Variants in LSM1 observed in about 807,000 individuals in gnomAD.
LSM1 encodes U6 snRNA-associated Sm-like protein LSm1.
Under a neutral mutation model 18.0 loss-of-function variants are expected in LSM1, and 13 were observed. That is an observed-to-expected ratio of 0.72 (90% CI 0.47 to 1.15). The LOEUF is 1.15. Ranked by LOEUF, LSM1 falls within the 50% of genes most tolerant of loss-of-function variation. LSM1 has a pLI of 0.00. For missense variants in LSM1, 152 were observed against 157.7 expected (o/e 0.96, Z 0.19); for synonymous variants, 46 against 56.0 (o/e 0.82, Z 0.80).
chr8:38,176,515 C>G (rs1406335620), upstream of LSM1: 54 of 583,740 alleles, frequency 9.3e-5, 1 homozygote, highest in Non-Finnish European at 3.0e-6. Flanking sequence ...CTTCCTGTAA[C>G]ACGTGTGGGC....
chr8:38,171,231 T>C lies in LSM1; in HGVS notation c.115+734A>G, dbSNP rs576468697. On this transcript the variant is annotated intron_variant, in intron 2 of 3. Transcript: ENST00000311351. ...CTTTGAAGTCATTTTACCCTGCCAATGTAGAAATAAGCAGCCTTGGGCCGG... is the reference window on the plus strand; with the variant it reads ...CTTTGAAGTCATTTTACCCTGCCAACGTAGAAATAAGCAGCCTTGGGCCGG... 1.1e-4 allele frequency among the ~76,000 whole-genome samples: 17 copies of C among 152,310 alleles called. 1 individual carries two copies. In the South Asian group the frequency reaches 3.5e-3, roughly 32 times the overall value.
Position 38,176,451 on chromosome 8 carries a change from C to T in LSM1, c.-131G>A, listed in dbSNP as rs764393660. ...CCCGACCGAGACCAGCACTTCTGCC[C>T]CGGCTTTCAGCCGCCGGGGGCTGCC... On this transcript the variant is annotated 5_prime_UTR_variant, in exon 1 of 4. Coordinates refer to ENST00000311351, the MANE Select transcript of LSM1 (RefSeq NM_014462.3). 1.1e-5 allele frequency: 8 copies of T among 724,262 alleles called. No homozygotes were observed. The African/African-American group carries it at 1.2e-4, about 11-fold the overall frequency. The allele number at this position is 724,262 out of a possible 1,614,324, so 44.9% of individuals were successfully genotyped here. A position where few individuals can be genotyped will look rare whatever the true frequency, so the allele number is the denominator to read the frequency against.
chr8:38,172,210 TA>T (rs1563275629), intron 1 of LSM1, among the ~76,000 whole-genome samples, 177 bp from the exon 2 acceptor site: 1 of 150,468 alleles, frequency 6.6e-6, no homozygotes, highest in Non-Finnish European at 1.5e-5. Flanking sequence ...ATAACATCAG[TA>T]GTGAAAAGAA....
upstream of LSM1, chr8:38,176,691 A>C (rs913113142): frequency 3.9e-6 from 3 of 763,630 alleles, no homozygotes; most frequent in Admixed American, 1.1e-4. Context: ...CCCCAGAGTC[A>C]CTGACCTCCG....
chr8:38,170,856 C>G (rs1192790071), intron 2 of LSM1: 1 of 208,924 alleles, frequency 4.8e-6, no homozygotes, highest in Non-Finnish European at 1.0e-5. Flanking sequence ...TATTTTTCCT[C>G]TTTCAATTAG....
intron 1 of LSM1, among the ~76,000 whole-genome samples, chr8:38,175,479 A>G (rs1803117036): frequency 6.6e-6 from 1 of 152,202 alleles, no homozygotes; most frequent in Non-Finnish European, 1.5e-5. Context: ...AGTTAATGAG[A>G]AAGATCACAT....
upstream of LSM1, chr8:38,176,516 A>G (rs573040624): frequency 1.7e-5 from 10 of 580,392 alleles, no homozygotes; most frequent in Admixed American, 1.2e-4. Context: ...TTCCTGTAAC[A>G]CGTGTGGGCC....
At chr8:38,171,940 G>C (rs771438714) in intron 2 of LSM1, 25 bp downstream of exon 2, 1 of 1,513,010 alleles carries the variant, frequency 6.6e-7, no homozygotes, top group East Asian at 2.3e-5. Context: ...CAGAGTATAA[G>C]AGATGTCCAT....
At chr8:38,174,002 G>A (rs1239985385) in intron 1 of LSM1, among the ~76,000 whole-genome samples, 1 of 152,160 alleles carries the variant, frequency 6.6e-6, no homozygotes, top group Non-Finnish European at 1.5e-5. Flanking sequence ...AGAATCTGGT[G>A]GGGAGAGTAT....
In LSM1 at chr8:38,169,840, C is replaced by T. The variant is rs1263287526; in HGVS notation, c.193G>A (p.Val65Met). ...KYGDIPRGIF[V>M]VRGENVVLLG... is the part of the protein sequence containing the mutation. ...AGGACCACATTTTCTCCTCTGACCA[C>T]AAAAATCCCTCGAGGAATATCACCG... Residue 65 changes from valine to methionine, a missense_variant, in exon 3 of 4, where the codon GTG (valine) becomes ATG (methionine). Coordinates refer to ENST00000311351, the MANE Select transcript of LSM1 (RefSeq NM_014462.3). The T allele has an allele frequency of 1.1e-5, 18 of 1,613,680 alleles. No homozygotes were observed. Among genetic ancestry groups the T allele is most frequent in the East Asian group, 2.2e-5 (1 of 44,872 alleles).
intron 1 of LSM1, 46 bp downstream of exon 1, chr8:38,176,229 G>A: frequency 6.4e-7 from 1 of 1,571,018 alleles, no homozygotes; most frequent in Non-Finnish European, 8.8e-7. Flanking sequence ...CGCCCGGGAG[G>A]AAGGGTCTAA....
chr8:38,167,576 C>T (rs954886424), intron 3 of LSM1, among the ~76,000 whole-genome samples: 8 of 152,122 alleles, frequency 5.3e-5, no homozygotes, highest in East Asian at 1.9e-4. Context: ...GCAGCTTAAG[C>T]GATCTGCCTG....
At chr8:38,171,900 C>A in intron 2 of LSM1, 65 bp downstream of exon 2, 1 of 1,251,766 alleles carries the variant, frequency 8.0e-7, no homozygotes. Flanking sequence ...TATTAAATAA[C>A]AAAAAATGCA....
intron 1 of LSM1, 94 bp from the exon 2 acceptor site, chr8:38,172,127 C>T (rs867250810): frequency 1.2e-5 from 10 of 841,662 alleles, no homozygotes; most frequent in African/African-American, 1.7e-5. Flanking sequence ...ACCACTTCCT[C>T]GGCCAATGCA....
upstream of LSM1, chr8:38,176,571 C>A: frequency 1.7e-6 from 1 of 574,894 alleles, no homozygotes; most frequent in Admixed American, 3.2e-5. Context: ...GACACCCTTT[C>A]CCTGTTCCTG....
chr8:38,175,432 A>C (rs1305823007), intron 1 of LSM1, among the ~76,000 whole-genome samples: 1 of 152,238 alleles, frequency 6.6e-6, no homozygotes, highest in Admixed American at 6.5e-5. Context: ...AGACGATTGC[A>C]ACTTATTTAA....
At chr8:38,164,281 T>C (rs1417596572) in intron 3 of LSM1, among the ~76,000 whole-genome samples, 1 of 152,138 alleles carries the variant, frequency 6.6e-6, no homozygotes, top group Non-Finnish European at 1.5e-5. Context: ...TCTCGAAACC[T>C]GACCTCATGA....
intron 1 of LSM1, among the ~76,000 whole-genome samples, chr8:38,172,965 A>G (rs1803055744): frequency 1.3e-5 from 2 of 152,232 alleles, no homozygotes; most frequent in Non-Finnish European, 1.5e-5. Context: ...GGACAAATAA[A>G]TAAGAAAATA....
chr8:38,164,651 A>G (rs2130636786), intron 3 of LSM1, among the ~76,000 whole-genome samples: 1 of 149,712 alleles, frequency 6.7e-6, no homozygotes, highest in South Asian at 2.1e-4. Flanking sequence ...GTGAGACCCT[A>G]ACTAACTCCA....
Sources: gnomAD v4.1 joint callset for allele counts (sites outside exome capture counted in the v4.1 genomes callset) on GRCh38, gnomAD v4.1.1 for gene constraint, MANE v1.5 for transcripts, NCBI Gene and HGNC (gene_info 2026-07-23, HGNC 2026-07-21) for gene names.